The following AKR1C4 variants were observed in gnomAD, a reference collection of about 807,000 sequenced individuals.
The protein encoded by AKR1C4 is 3-alpha-HSD1.
A neutral mutation model predicts 41.0 loss-of-function variants in AKR1C4; 44 were observed. The observed-to-expected ratio is 1.07, with a 90% CI of 0.84 to 1.38. AKR1C4 has a LOEUF of 1.38. AKR1C4 is among the 40% of genes most tolerant of loss of function. The pLI, the probability that AKR1C4 is intolerant of heterozygous loss-of-function variation, is 0.00. For missense variants in AKR1C4, 438 were observed against 387.9 expected, an observed-to-expected ratio of 1.13 and a Z score of -1.09; for synonymous variants, 165 against 137.7, an observed-to-expected ratio of 1.20 and a Z score of -1.39.
chr10:5,200,047 G>A, intron 1 of AKR1C4, 134 bp from the exon 2 acceptor site: 8 of 1,117,900 alleles, frequency 7.2e-6, no homozygotes, highest in Non-Finnish European at 8.9e-6. Flanking sequence ...CTCCCCTAGA[G>A]GTCTGAGCAG....
chr10:5,196,999 A>C (rs1239557650), intron 1 of AKR1C4, 48 bp downstream of exon 1: 1 of 1,581,822 alleles, frequency 6.3e-7, no homozygotes, highest in African/African-American at 1.3e-5. Context: ...GCAAAGCTAG[A>C]ATAAGTGAAC....
chr10:5,200,528 ATTG>A (rs1832384646), intron 2 of AKR1C4, among the ~76,000 whole-genome samples, 180 bp downstream of exon 2: 1 of 152,210 alleles, frequency 6.6e-6, no homozygotes, highest in Non-Finnish European at 1.5e-5. Flanking sequence ...CTTTCTCATC[ATTG>A]TTGTGTTCAA....
At chr10:5,200,890 T>C (rs781986352) in intron 2 of AKR1C4, among the ~76,000 whole-genome samples, 23 of 152,192 alleles carry the variant, frequency 1.5e-4, no homozygotes, top group Non-Finnish European at 2.6e-4. Context: ...TTACTTTACT[T>C]AGAATAATGG....
chr10:5,206,993 G>T (rs1393716797), intron 5 of AKR1C4, among the ~76,000 whole-genome samples: 1 of 152,146 alleles, frequency 6.6e-6, no homozygotes, highest in Non-Finnish European at 1.5e-5. Flanking sequence ...TAAGCTGAAA[G>T]GATGTGGCGT....
At chr10:5,213,503 T>A (rs1266890453) in intron 7 of AKR1C4, among the ~76,000 whole-genome samples, 1 of 152,218 alleles carries the variant, frequency 6.6e-6, no homozygotes, top group Non-Finnish European at 1.5e-5. Context: ...TTCATGTCCT[T>A]GTTTACTCAG....
chr10:5,202,035 G>A (rs551039073), intron 2 of AKR1C4, among the ~76,000 whole-genome samples: 1 of 152,228 alleles, frequency 6.6e-6, no homozygotes, highest in East Asian at 1.9e-4. Flanking sequence ...GTCTGGTAAT[G>A]AAATACCTCC....
At chr10:5,207,524 A>T in intron 5 of AKR1C4, 1 of 504,674 alleles carries the variant, frequency 2.0e-6, no homozygotes, top group East Asian at 6.1e-5. Flanking sequence ...AGGGTATAAG[A>T]AAATAAAGAT....
intron 8 of AKR1C4, among the ~76,000 whole-genome samples, chr10:5,217,428 T>C (rs1832672181): frequency 6.6e-6 from 1 of 152,216 alleles, no homozygotes; most frequent in African/African-American, 2.4e-5. Context: ...GAAATCTCAA[T>C]GCAGAGTATA....
intron 7 of AKR1C4, among the ~76,000 whole-genome samples, chr10:5,214,503 T>C (rs1203701351): frequency 6.6e-6 from 1 of 152,222 alleles, no homozygotes; most frequent in Non-Finnish European, 1.5e-5. Flanking sequence ...CAGATCAATT[T>C]GGTGAGAACT....
chr10:5,211,912 C>A (rs1049907280), intron 5 of AKR1C4, among the ~76,000 whole-genome samples: 2 of 152,156 alleles, frequency 1.3e-5, no homozygotes, highest in Non-Finnish European at 2.9e-5. Context: ...ACAGCTTGTG[C>A]AGGGAAACCC....
chr10:5,201,515 T>C (rs1213042604), intron 2 of AKR1C4, among the ~76,000 whole-genome samples: 3 of 152,214 alleles, frequency 2.0e-5, no homozygotes, highest in Non-Finnish European at 4.4e-5. Flanking sequence ...CTTTGCTGGA[T>C]GCATAGTTTG....
chr10:5,212,591 G>A (rs782379444), intron 5 of AKR1C4, 25 bp from the exon 6 acceptor site: 30 of 1,578,602 alleles, frequency 1.9e-5, no homozygotes, highest in Non-Finnish European at 2.5e-5. Flanking sequence ...ATTATCTGAT[G>A]CTTTTCTCTC....
At chr10:5,204,671 A>T (rs782053118) in intron 3 of AKR1C4, 178 bp downstream of exon 3, 1 of 748,992 alleles carries the variant, frequency 1.3e-6, no homozygotes, top group East Asian at 2.5e-5. Context: ...ACGTATGATG[A>T]CAAGAGAAGA....
intron 7 of AKR1C4, among the ~76,000 whole-genome samples, chr10:5,216,335 AGGAGG>A (rs2132141906): frequency 6.6e-6 from 1 of 152,350 alleles, no homozygotes; most frequent in East Asian, 1.9e-4. Flanking sequence ...ACATGAGATT[AGGAGG>A]GGACAAATAT....
At chr10:5,204,027 C>T (rs543972997) in intron 2 of AKR1C4, among the ~76,000 whole-genome samples, 4 of 152,186 alleles carry the variant, frequency 2.6e-5, no homozygotes, top group Non-Finnish European at 5.9e-5. Flanking sequence ...TTTTGCTCTT[C>T]AGTTTCTAAA....
intron 5 of AKR1C4, among the ~76,000 whole-genome samples, chr10:5,206,968 G>T (rs185826230): frequency 1.3e-5 from 2 of 152,272 alleles, no homozygotes; most frequent in East Asian, 3.9e-4. Flanking sequence ...CCGTTTATGA[G>T]AGTTGCTTGA....
intron 5 of AKR1C4, among the ~76,000 whole-genome samples, chr10:5,210,299 C>G (rs571947665): frequency 6.6e-6 from 1 of 152,194 alleles, no homozygotes; most frequent in Admixed American, 6.5e-5. Flanking sequence ...TGTGGCTTTG[C>G]AGGGTACAGC....
At chr10:5,204,621 C>T (rs11253042) in intron 3 of AKR1C4, 128 bp downstream of exon 3, 1 of 806,298 alleles carries the variant, frequency 1.2e-6, no homozygotes. Flanking sequence ...AAGTATAATG[C>T]CTAAGCCATT....
At chr10:5,199,675 C>T (rs1356790012) in intron 1 of AKR1C4, among the ~76,000 whole-genome samples, 4 of 152,138 alleles carry the variant, frequency 2.6e-5, no homozygotes, top group African/African-American at 9.7e-5. Flanking sequence ...AGTCAGAAGA[C>T]AGTCCAGGCT....
Sources: gnomAD v4.1 joint callset for allele counts (sites outside exome capture counted in the v4.1 genomes callset) on GRCh38, gnomAD v4.1.1 for gene constraint, MANE v1.5 for transcripts, NCBI Gene and HGNC (gene_info 2026-07-23, HGNC 2026-07-21) for gene names.